Variants in DPF3 observed in about 807,000 individuals in gnomAD.
The protein encoded by DPF3 is double PHD fingers 3.
Under a neutral mutation model 56.8 loss-of-function variants are expected in DPF3, and 18 were observed. The observed-to-expected ratio is 0.32, with a 90% CI of 0.22 to 0.47. The LOEUF (loss-of-function observed/expected upper bound fraction) is 0.47, where lower values mean the gene tolerates loss of function less well. Ranked by LOEUF, DPF3 falls within the 20% of genes least tolerant of loss-of-function variation. The pLI, the probability that DPF3 is intolerant of heterozygous loss-of-function variation, is 1.00. For synonymous variants in DPF3, 188 were observed against 180.2 expected (o/e 1.04, Z -0.35); for missense variants, 403 against 488.8 (o/e 0.82, Z 1.65).
intron 4 of DPF3, among the ~76,000 whole-genome samples, chr14:72,725,764 G>T (rs1327503259): frequency 6.6e-6 from 1 of 152,112 alleles, no homozygotes; most frequent in Non-Finnish European, 1.5e-5. Context: ...AAAGCAGGAA[G>T]CCCGGGGTGA....
intron 8 of DPF3, among the ~76,000 whole-genome samples, chr14:72,663,609 G>A (rs1468821845): frequency 6.6e-6 from 1 of 152,154 alleles, no homozygotes; most frequent in Non-Finnish European, 1.5e-5. Context: ...TTGGTCTTTG[G>A]AACGGAGTAG....
intron 8 of DPF3, among the ~76,000 whole-genome samples, chr14:72,669,660 T>C (rs188998157): frequency 8.3e-4 from 126 of 152,228 alleles, no homozygotes; most frequent in African/African-American, 2.8e-3. Flanking sequence ...CCCAGCCATT[T>C]TCTCTTGTAG....
intron 8 of DPF3, among the ~76,000 whole-genome samples, chr14:72,673,391 T>A (rs1886775029): frequency 6.6e-6 from 1 of 152,050 alleles, no homozygotes. Flanking sequence ...AAAAATGGGG[T>A]TGAAATTCCC....
In DPF3 at chr14:72,727,123, T is replaced by C. The variant is rs1190761990; in HGVS notation, c.430-3395A>G. On this transcript the variant is annotated intron_variant, in intron 4 of 10. Transcript: ENST00000556509. ...CCTGTCAAACTCCTGGGCTCTTTTT[T>C]CCCTGGCACAATACTCCGGCCACAC... Among the ~76,000 whole-genome samples, 3 of 152,018 alleles carry C rather than the reference T, an allele frequency of 2.0e-5. No homozygotes were observed. In the East Asian group the frequency reaches 5.8e-4, roughly 29 times the overall value.
intron 8 of DPF3, among the ~76,000 whole-genome samples, chr14:72,636,927 C>T (rs1192942481): frequency 1.3e-5 from 2 of 152,200 alleles, no homozygotes; most frequent in South Asian, 4.1e-4. Context: ...ATAGCGTGAG[C>T]TGTGTGGCTG....
In DPF3 at chr14:72,731,885, C is replaced by A; in HGVS notation, c.351G>T (p.Thr117=). ...KKDGFTSEST[T]LEALLRGEGV... is the part of the protein sequence containing the mutation. ...CCTCGCCACGGAGCAAGGCTTCCAG[C>A]GTGGTGCTCTCTGAGGTGAACCCAT... Residue 117 remains threonine, a synonymous_variant, in exon 4 of 11, where the codon ACG becomes ACT. Transcript: ENST00000556509. 6.2e-7 allele frequency: 1 copy of A among 1,608,070 alleles called. No homozygotes were observed. The highest frequency in any genetic ancestry group is 1.3e-5 in the African/African-American group (1 of 74,900).
At chr14:72,722,221 T>C (rs988428581) in intron 5 of DPF3, among the ~76,000 whole-genome samples, 125 of 151,776 alleles carry the variant, frequency 8.2e-4, no homozygotes, top group African/African-American at 3.0e-3. Flanking sequence ...CAACAAAAAG[T>C]AGGAGAAAAG....
chr14:72,860,175 CTTTTGTTTTG>C (rs113625024), intron 1 of DPF3, among the ~76,000 whole-genome samples: 43,152 of 151,532 alleles, frequency 0.28, 6,408 homozygotes, highest in Non-Finnish European at 0.32. Context: ...TTATTAACAT[CTTTTGTTTTG>C]TTTTGTTTTG....
chr14:72,864,659 C>T (rs1885590140), intron 1 of DPF3, among the ~76,000 whole-genome samples: 2 of 151,738 alleles, frequency 1.3e-5, no homozygotes, highest in South Asian at 4.2e-4. Flanking sequence ...CAGGTTGGCA[C>T]TCAGTAATTA....
At chr14:72,861,068 C>G (rs61986353) in intron 1 of DPF3, among the ~76,000 whole-genome samples, 5 of 130,560 alleles carry the variant, frequency 3.8e-5, no homozygotes, top group African/African-American at 5.8e-5. Flanking sequence ...CACACACACA[C>G]AGACACATAC....
chr14:72,702,392 T>A (rs1362340690), intron 6 of DPF3, among the ~76,000 whole-genome samples: 2 of 152,040 alleles, frequency 1.3e-5, no homozygotes, highest in Non-Finnish European at 2.9e-5. Flanking sequence ...GAACCCCATG[T>A]CTCCCCTGCT....
intron 1 of DPF3, among the ~76,000 whole-genome samples, chr14:72,857,103 G>A (rs567063894): frequency 2.3e-4 from 35 of 152,322 alleles, no homozygotes; most frequent in African/African-American, 6.0e-4. Context: ...AAGGCCAGAC[G>A]TCTTGCACCG....
intron 1 of DPF3, among the ~76,000 whole-genome samples, chr14:72,867,570 G>A (rs1020654999): frequency 2.0e-5 from 3 of 152,136 alleles, no homozygotes; most frequent in Non-Finnish European, 4.4e-5. Flanking sequence ...CCTCTAAGGT[G>A]TTTCATTCAA....
intron 1 of DPF3, among the ~76,000 whole-genome samples, chr14:72,845,064 C>T (rs1389683275): frequency 6.6e-6 from 1 of 152,192 alleles, no homozygotes; most frequent in Admixed American, 6.5e-5. Flanking sequence ...ATAATCGTGC[C>T]ACTGCACTCC....
chr14:72,665,734 T>C (rs766772490), intron 8 of DPF3, among the ~76,000 whole-genome samples: 1 of 152,206 alleles, frequency 6.6e-6, no homozygotes, highest in Non-Finnish European at 1.5e-5. Context: ...AGGACACTAG[T>C]GAGACAACTG....
intron 8 of DPF3, chr14:72,661,781 C>A: frequency 1.0e-6 from 1 of 985,140 alleles, no homozygotes; most frequent in Non-Finnish European, 1.2e-6. Flanking sequence ...GCAGAAGGTT[C>A]CCTTTCCTCA....
intron 2 of DPF3, among the ~76,000 whole-genome samples, chr14:72,765,206 T>G (rs1046294603): frequency 6.6e-6 from 1 of 152,226 alleles, no homozygotes; most frequent in Non-Finnish European, 1.5e-5. Flanking sequence ...AATACTACTA[T>G]ATATCTATTA....
At chr14:72,823,221 C>T (rs993511625) in intron 1 of DPF3, among the ~76,000 whole-genome samples, 2 of 152,200 alleles carry the variant, frequency 1.3e-5, no homozygotes, top group African/African-American at 4.8e-5. Context: ...CCCAAACCTC[C>T]CTCCAGTTCT....
intron 5 of DPF3, among the ~76,000 whole-genome samples, chr14:72,718,008 C>T (rs1889002243): frequency 6.6e-6 from 1 of 152,190 alleles, no homozygotes; most frequent in Admixed American, 6.5e-5. Flanking sequence ...TCAGATCCTA[C>T]CTCCAAGGGG....
Sources: allele counts gnomAD v4.1 joint callset (sites outside exome capture counted in the v4.1 genomes callset), GRCh38; gene constraint gnomAD v4.1.1; transcripts MANE v1.5; gene names NCBI Gene and HGNC (gene_info 2026-07-23, HGNC 2026-07-21).